PDE1C: variants seen among roughly 807,000 people sequenced by gnomAD.
PDE1C encodes the protein dual specificity calcium/calmodulin-dependent 3',5'-cyclic nucleotide phosphodiesterase 1C.
Under a neutral mutation model 93.1 loss-of-function variants are expected in PDE1C, and 62 were observed. That is an observed-to-expected ratio of 0.67 (90% CI 0.54 to 0.82). The LOEUF (loss-of-function observed/expected upper bound fraction) is 0.82, where lower values mean the gene tolerates loss of function less well. Among genes scored for constraint, PDE1C ranks in the 40% least tolerant of loss-of-function variants. PDE1C has a pLI of 0.00. For synonymous variants in PDE1C, 325 were observed against 310.1 expected (o/e 1.05, Z -0.50); for missense variants, 742 against 884.6 (o/e 0.84, Z 2.04).
rs1808597149 is a variant in PDE1C at position 32,242,277 on chromosome 7, G to T, written c.86-32738C>A. On this transcript the variant is annotated intron_variant, in intron 1 of 18. Transcript: ENST00000396193. Reference sequence around the variant, plus strand: ...GAGTCTGATAGGGCTGATGGACAATGAAGATAGGTTCAAGAATTCGGAGTT... The same window carrying T: ...GAGTCTGATAGGGCTGATGGACAATTAAGATAGGTTCAAGAATTCGGAGTT... Among the ~76,000 whole-genome samples the T allele has an allele frequency of 2.0e-5, 3 of 152,164 alleles. No individual in the cohort carries two copies. In the South Asian group the frequency reaches 6.2e-4, roughly 32 times the overall value.
chr7:31,750,699 T>C (rs925976157), downstream of PDE1C, among the ~76,000 whole-genome samples: 2 of 152,256 alleles, frequency 1.3e-5, no homozygotes, highest in African/African-American at 2.4e-5. Context: ...TTTTCTAAAC[T>C]CCAAAGTTCC....
At chr7:31,915,180 C>A (rs1801724447) in intron 2 of PDE1C, among the ~76,000 whole-genome samples, 1 of 152,204 alleles carries the variant, frequency 6.6e-6, no homozygotes, top group Non-Finnish European at 1.5e-5. Flanking sequence ...CCACTCTGGT[C>A]TGTGGGCCAT....
intron 5 of PDE1C, among the ~76,000 whole-genome samples, chr7:31,876,998 C>T (rs1796678600): frequency 6.6e-6 from 1 of 152,148 alleles, no homozygotes; most frequent in Admixed American, 6.5e-5. Flanking sequence ...TCAAGAAGCA[C>T]TCCCCACCCC....
chr7:32,110,291 G>T (rs549178533), intron 3 of PDE1C, among the ~76,000 whole-genome samples: 111 of 152,272 alleles, frequency 7.3e-4, no homozygotes, highest in African/African-American at 2.5e-3. Flanking sequence ...TCCATGTGCA[G>T]GTATCTCCTC....
intron 15 of PDE1C, among the ~76,000 whole-genome samples, chr7:31,815,645 T>TC (rs1788145073): frequency 6.9e-6 from 1 of 144,778 alleles, no homozygotes; most frequent in South Asian, 2.3e-4. Flanking sequence ...CATGGTAATT[T>TC]TCCCCCAGCT....
chr7:32,306,372 T>G (rs530378853), intron 1 of PDE1C, among the ~76,000 whole-genome samples: 1 of 152,154 alleles, frequency 6.6e-6, no homozygotes, highest in Non-Finnish European at 1.5e-5. Context: ...ACAACCAAAT[T>G]GGGGAGCCTG....
intron 1 of PDE1C, among the ~76,000 whole-genome samples, chr7:32,322,309 G>A (rs1028706408): frequency 3.3e-5 from 5 of 152,168 alleles, no homozygotes; most frequent in African/African-American, 1.2e-4. Context: ...ATAAAAGACA[G>A]ACATGTTAGC....
At chr7:32,161,867 T>C (rs912340405) in intron 3 of PDE1C, among the ~76,000 whole-genome samples, 10 of 152,186 alleles carry the variant, frequency 6.6e-5, no homozygotes, top group Non-Finnish European at 1.2e-4. Flanking sequence ...TTTATTGTGG[T>C]TGAGGCATAT....
At chr7:31,797,779 G>C (rs911294545) in intron 16 of PDE1C, among the ~76,000 whole-genome samples, 1 of 151,634 alleles carries the variant, frequency 6.6e-6, no homozygotes, top group Non-Finnish European at 1.5e-5. Flanking sequence ...TAAAAACAAC[G>C]CAGTATCGTC....
intron 7 of PDE1C, chr7:31,850,972 C>CT: frequency 2.3e-6 from 1 of 435,720 alleles, no homozygotes; most frequent in Non-Finnish European, 4.3e-6. Flanking sequence ...GTAGTTTTAT[C>CT]TTTTTCAAGA....
At chr7:31,617,638 C>T in the PDE1C span, among the ~76,000 whole-genome samples, 1 of 64,274 alleles carries the variant, frequency 1.6e-5, no homozygotes, top group Non-Finnish European at 3.0e-5. Flanking sequence ...TGATTTAATG[C>T]TCCATCTTTT....
intron 2 of PDE1C, among the ~76,000 whole-genome samples, chr7:31,898,398 A>G (rs1390023716): frequency 6.6e-6 from 1 of 152,170 alleles, no homozygotes; most frequent in Non-Finnish European, 1.5e-5. Context: ...TTTATTTGAT[A>G]GTATGCTTTA....
At position 31,775,687 on chromosome 7, in the gene PDE1C, G is replaced by A. The variant is rs972451301; in HGVS notation, c.1937C>T (p.Ser646Phe). ...SHGSPAPSTS[S>F]TCRLTLPVIK... ...ACCTGGCAACGTAAGGCGACACGTGGAGCTGGTGCTTGGGGCTGGTGAGCC... is the reference window on the plus strand; with the variant it reads ...ACCTGGCAACGTAAGGCGACACGTGAAGCTGGTGCTTGGGGCTGGTGAGCC... Residue 646 changes from serine to phenylalanine, a missense_variant, in exon 17 of 18, where the codon TCC (serine) becomes TTC (phenylalanine). Physicochemically the swap from Ser to Phe is radical, Grantham distance 155 (BLOSUM62 -2). Transcript: ENST00000396191. 2 of 1,612,846 alleles carry A rather than the reference G, an allele frequency of 1.2e-6. No individual in the cohort carries two copies. The highest frequency in any genetic ancestry group is 3.3e-4 in the Middle Eastern group (2 of 6,062).
chr7:31,975,895 A>AC, intron 2 of PDE1C, among the ~76,000 whole-genome samples: 1 of 152,308 alleles, frequency 6.6e-6, no homozygotes. Flanking sequence ...ACTCTCCTCC[A>AC]CATTTAACCG....
At chr7:31,767,829 G>A (rs1040305628) in intron 17 of PDE1C, among the ~76,000 whole-genome samples, 1 of 152,112 alleles carries the variant, frequency 6.6e-6, no homozygotes, top group African/African-American at 2.4e-5. Flanking sequence ...CCCTCTTATG[G>A]TAAAAACAGA....
chr7:32,420,351 GTGTA>G, intron 1 of PDE1C, among the ~76,000 whole-genome samples: 1 of 13,246 alleles, frequency 7.5e-5, no homozygotes. Context: ...GTATATATAT[GTGTA>G]TATATATATG....
At chr7:32,081,303 C>T (rs1796648864) in intron 3 of PDE1C, among the ~76,000 whole-genome samples, 1 of 152,204 alleles carries the variant, frequency 6.6e-6, no homozygotes, top group South Asian at 2.1e-4. Context: ...AACCATTCTG[C>T]CTTCACTATG....
chr7:32,326,047 G>A (rs374331623), intron 1 of PDE1C, among the ~76,000 whole-genome samples: 6 of 151,100 alleles, frequency 4.0e-5, no homozygotes, highest in Non-Finnish European at 5.9e-5. Flanking sequence ...GTTCAAACAC[G>A]GTTGTGAGGA....
chr7:32,165,799 G>T (rs866324215), intron 3 of PDE1C, among the ~76,000 whole-genome samples: 3 of 152,088 alleles, frequency 2.0e-5, no homozygotes, highest in African/African-American at 7.2e-5. Context: ...AAATACTCTC[G>T]AGTTCAAAGG....
Sources: gnomAD v4.1 joint callset for allele counts (sites outside exome capture counted in the v4.1 genomes callset) on GRCh38, gnomAD v4.1.1 for gene constraint, MANE v1.5 for transcripts, NCBI Gene and HGNC (gene_info 2026-07-23, HGNC 2026-07-21) for gene names.